PNOC: variants seen among roughly 807,000 people sequenced by gnomAD.
PNOC encodes prepronociceptin.
PNOC carries 10 observed loss-of-function variants against 15.6 expected under a neutral mutation model. The observed-to-expected ratio is 0.64, with a 90% CI of 0.40 to 1.09. PNOC has a LOEUF of 1.09. Among genes scored for constraint, PNOC ranks in the 50% least tolerant of loss-of-function variants. PNOC has a pLI of 0.01. For synonymous variants in PNOC, 98 were observed against 88.5 expected (o/e 1.11, Z -0.60); for missense variants, 220 against 223.9 (o/e 0.98, Z 0.11).
At chr8:28,328,003 A>G (rs1801253024) in intron 1 of PNOC, among the ~76,000 whole-genome samples, 1 of 149,868 alleles carries the variant, frequency 6.7e-6, no homozygotes, top group Non-Finnish European at 1.5e-5. Context: ...AATCCCATTC[A>G]TAAGGGCTCT....
Position 28,330,560 on chromosome 8 carries a change from CTT to C in PNOC, c.126+1294_126+1295del, listed in dbSNP as rs34364812. On this transcript the variant is annotated intron_variant, in intron 2 of 3. Transcript: ENST00000301908. ...AGGTGCCCACCACCACACCCGGCTA[CTT>C]TTTTTTTTTTTTTTTTGTATTTTTA... 8.6e-3 allele frequency among the ~76,000 whole-genome samples: 901 copies of C among 105,028 alleles called. 16 individuals carry two copies. Among genetic ancestry groups the C allele is most frequent in the African/African-American group, 0.029 (850 of 29,482 alleles). The allele number at this position is 105,028 out of a possible 152,430, so 68.9% of individuals were successfully genotyped here. A position where few individuals can be genotyped will look rare whatever the true frequency, so the allele number is the denominator to read the frequency against.
intron 2 of PNOC, among the ~76,000 whole-genome samples, chr8:28,330,870 T>C (rs1392350961): frequency 6.6e-6 from 1 of 152,202 alleles, no homozygotes; most frequent in Admixed American, 6.5e-5. Context: ...AGATAGTTAC[T>C]CCTCTCCTAT....
At chr8:28,324,167 C>T (rs1585827253) in intron 1 of PNOC, among the ~76,000 whole-genome samples, 1 of 152,220 alleles carries the variant, frequency 6.6e-6, no homozygotes, top group Non-Finnish European at 1.5e-5. Flanking sequence ...CCTCACATTT[C>T]ACCTGCAGGA....
chr8:28,338,281 C>G (rs351785), intron 2 of PNOC, among the ~76,000 whole-genome samples: 50,949 of 151,996 alleles, frequency 0.34, 10,314 homozygotes, highest in Non-Finnish European at 0.46. Context: ...CCAAGAGGGG[C>G]TGGAGAAACA....
At chr8:28,336,391 G>T (rs1186813236) in intron 2 of PNOC, among the ~76,000 whole-genome samples, 1 of 152,250 alleles carries the variant, frequency 6.6e-6, no homozygotes, top group Non-Finnish European at 1.5e-5. Flanking sequence ...CAGGGAACTA[G>T]AAGTTATCAG....
chr8:28,317,773 C>T (rs879483660), intron 1 of PNOC, among the ~76,000 whole-genome samples: 1 of 152,070 alleles, frequency 6.6e-6, no homozygotes, highest in African/African-American at 2.4e-5. Flanking sequence ...AGATGCGGTG[C>T]GCAGGCTGCT....
At chr8:28,320,084 CTTTCTTTCTTTTTTTTT>C (rs1356213400) in intron 1 of PNOC, among the ~76,000 whole-genome samples, 1 of 37,188 alleles carries the variant, frequency 2.7e-5, no homozygotes, top group African/African-American at 9.8e-5. Flanking sequence ...TTCTTTCTTT[CTTTCTTTCTTTTTTTTT>C]TTTTTTTTTT....
chr8:28,329,139 T>A lies in PNOC; in HGVS notation c.-19T>A. ...CATGCTTCCTGTATGTTCCAGCACC[T>A]GCTTCCTGCTCCTGCACCATGAAAG... On this transcript the variant is annotated 5_prime_UTR_variant, in exon 2 of 4. Transcript: ENST00000301908. 6.2e-7 allele frequency: 1 copy of A among 1,612,834 alleles called. No individual in the cohort carries two copies. Among genetic ancestry groups the A allele is most frequent in the Admixed American group, 1.7e-5 (1 of 60,014 alleles).
intron 1 of PNOC, among the ~76,000 whole-genome samples, chr8:28,326,514 C>T (rs1179763697): frequency 6.6e-6 from 1 of 152,098 alleles, no homozygotes; most frequent in South Asian, 2.1e-4. Context: ...CAGCACTTCC[C>T]AAACTTTGGC....
At chr8:28,330,220 A>AC (rs1801298531) in intron 2 of PNOC, among the ~76,000 whole-genome samples, 1 of 151,810 alleles carries the variant, frequency 6.6e-6, no homozygotes, top group African/African-American at 2.4e-5. Flanking sequence ...TGCTGGGATT[A>AC]CAGGCATGAG....
intron 1 of PNOC, among the ~76,000 whole-genome samples, chr8:28,323,563 T>C (rs1389205259): frequency 6.6e-6 from 1 of 152,220 alleles, no homozygotes; most frequent in Non-Finnish European, 1.5e-5. Context: ...AAACCTGTTA[T>C]TATCCCCACT....
At position 28,329,181 on chromosome 8, in the gene PNOC, G is replaced by A; in HGVS notation, c.24G>A (p.Leu8=). ...CCATGAAAGTCCTGCTTTGTGACCT[G>A]CTGCTGCTCAGTCTCTTCTCCAGTG... MKVLLCD[L]LLLSLFSSVF... Residue 8 remains leucine (L), a synonymous_variant, in exon 2 of 4, where the codon CTG becomes CTA. Coordinates refer to ENST00000301908, the MANE Select transcript of PNOC (RefSeq NM_006228.5). 6.2e-7 allele frequency: 1 copy of A among 1,613,820 alleles called. No homozygotes were observed. The highest frequency in any genetic ancestry group is 8.5e-7 in the Non-Finnish European group (1 of 1,179,992).
At chr8:28,323,949 G>T (rs890456553) in intron 1 of PNOC, among the ~76,000 whole-genome samples, 2 of 152,252 alleles carry the variant, frequency 1.3e-5, no homozygotes, top group Admixed American at 6.5e-5. Flanking sequence ...CCATTTTGCA[G>T]ATTCTGTGAA....
intron 1 of PNOC, among the ~76,000 whole-genome samples, chr8:28,320,072 G>C (rs374270433): frequency 2.6e-3 from 100 of 38,976 alleles, no homozygotes; most frequent in South Asian, 3.8e-3. Context: ...TTTTTTGTTT[G>C]TTTCTTTCTT....
intron 1 of PNOC, among the ~76,000 whole-genome samples, chr8:28,317,765 A>G (rs1220417236): frequency 2.6e-5 from 4 of 152,066 alleles, no homozygotes; most frequent in Admixed American, 1.3e-4. Flanking sequence ...TTCCTCTCAG[A>G]TGCGGTGCGC....
intron 1 of PNOC, among the ~76,000 whole-genome samples, chr8:28,321,488 C>T (rs1801151439): frequency 6.6e-6 from 1 of 152,100 alleles, no homozygotes; most frequent in East Asian, 1.9e-4. Context: ...CTTTCTATGG[C>T]TTTCCTCATG....
intron 3 of PNOC, among the ~76,000 whole-genome samples, chr8:28,341,045 T>C (rs899745751): frequency 6.6e-6 from 1 of 152,228 alleles, no homozygotes; most frequent in Non-Finnish European, 1.5e-5. Flanking sequence ...CAAGTGGGGC[T>C]TTTCCCTGAG....
At chr8:28,329,662 G>A (rs1349436484) in intron 2 of PNOC, among the ~76,000 whole-genome samples, 1 of 152,064 alleles carries the variant, frequency 6.6e-6, no homozygotes, top group African/African-American at 2.4e-5. Flanking sequence ...TATTATACCA[G>A]GATAAATTTC....
In PNOC at chr8:28,339,686, CTTCCGG is replaced by C. The variant is rs1801482633; in HGVS notation, c.*47+196_*47+201del. Reference sequence around the variant, plus strand: ...TATGATTGCACCTTGAAGCTGACCACTTCCGGCTAGAGACTGGTTACCATGGGGATA... The same window carrying C: ...TATGATTGCACCTTGAAGCTGACCACCTAGAGACTGGTTACCATGGGGATA... On this transcript the variant is annotated intron_variant, in intron 3 of 3. Transcript: ENST00000301908. 7.3e-6 allele frequency: 3 copies of C among 412,942 alleles called. No homozygotes were observed. In the Admixed American group the frequency reaches 1.2e-4, roughly 17 times the overall value. The allele number at this position is 412,942 out of a possible 1,614,324, so 25.6% of individuals were successfully genotyped here. A position where few individuals can be genotyped will look rare whatever the true frequency, so the allele number is the denominator to read the frequency against.
Sources: allele counts gnomAD v4.1 joint callset (sites outside exome capture counted in the v4.1 genomes callset), GRCh38; gene constraint gnomAD v4.1.1; transcripts MANE v1.5; gene names NCBI Gene and HGNC (gene_info 2026-07-23, HGNC 2026-07-21).